TTC21A: variants seen among roughly 807,000 people sequenced by gnomAD.
The protein encoded by TTC21A is tetratricopeptide repeat domain 21A.
In TTC21A, 128 loss-of-function variants were observed where a neutral mutation model predicts 156.4. That is an observed-to-expected ratio of 0.82 (90% CI 0.71 to 0.95). The LOEUF is 0.95. Among genes scored for constraint, TTC21A ranks in the 40% least tolerant of loss-of-function variants. The probability of loss-of-function intolerance (pLI) is 0.00; values close to 1 mark genes in which losing one functional copy is unlikely to be tolerated. For synonymous variants in TTC21A, 587 were observed against 617.1 expected (o/e 0.95, Z 0.72); for missense variants, 1,435 against 1,602.3 (o/e 0.90, Z 1.78).
At chr3:39,128,609 C>T (rs1487637251) in intron 13 of TTC21A, 108 bp from the exon 14 acceptor site, 11 of 1,556,952 alleles carry the variant, frequency 7.1e-6, no homozygotes, top group Non-Finnish European at 9.6e-6. Flanking sequence ...CGTCCAAAGG[C>T]AGGGGTAGGC....
chr3:39,114,454 G>A, intron 5 of TTC21A, 131 bp from the exon 6 acceptor site: 1 of 845,200 alleles, frequency 1.2e-6, no homozygotes, highest in Admixed American at 2.0e-5. Flanking sequence ...TGGCCCAGCT[G>A]AGAGGACCCA....
Position 39,128,348 on chromosome 3 carries a change from C to G in TTC21A, c.1540C>G (p.Gln514Glu). ...ATTTCTAGGAGAGCTAGAGAATGCC[C>G]AGAGCATCCTGCAGCGTTGCCTGGA... ...RYYSGELENA[Q>E]SILQRCLELD... The change falls in exon 13 of 29, where the codon CAG becomes GAG. Residue 514 changes from glutamine (Q) to glutamate (E), a missense_variant. By Grantham distance (29) the Gln-to-Glu change is conservative. Transcript: ENST00000683103. The G allele has an allele frequency of 6.2e-7, 1 of 1,614,158 alleles. No homozygotes were observed.
chr3:39,133,324 G>A (rs2038877877), intron 20 of TTC21A, 84 bp downstream of exon 20: 2 of 1,360,736 alleles, frequency 1.5e-6, no homozygotes, highest in East Asian at 4.7e-5. Context: ...ACAGGGGCCA[G>A]TCCCTTCTCC....
At chr3:39,119,293 G>T in intron 7 of TTC21A, 1 of 152,474 alleles carries the variant, frequency 6.6e-6, no homozygotes, top group Non-Finnish European at 1.5e-5. Flanking sequence ...CTCCTGGGTG[G>T]GGAGTGGGAA....
intron 7 of TTC21A, 188 bp downstream of exon 7, chr3:39,118,341 T>G (rs2037466962): frequency 1.6e-6 from 1 of 619,162 alleles, no homozygotes. Flanking sequence ...TTGTGTAGCT[T>G]GGGAGTCAGG....
At chr3:39,127,117 G>A (rs2038335201) in intron 12 of TTC21A, among the ~76,000 whole-genome samples, 2 of 152,152 alleles carry the variant, frequency 1.3e-5, no homozygotes, top group South Asian at 4.1e-4. Flanking sequence ...CCAGACCCTG[G>A]AGAGAAAGGG....
chr3:39,117,726 G>A (rs934077854), intron 6 of TTC21A, among the ~76,000 whole-genome samples: 1 of 152,164 alleles, frequency 6.6e-6, no homozygotes, highest in African/African-American at 2.4e-5. Flanking sequence ...TTGTTGCTCT[G>A]CTATTCCTAG....
chr3:39,126,437 A>C, intron 12 of TTC21A, 47 bp downstream of exon 12: 1 of 1,598,656 alleles, frequency 6.3e-7, no homozygotes, highest in South Asian at 1.1e-5. Flanking sequence ...CAAACACCTG[A>C]TGTAGCTTTG....
rs2036677021 is a variant in TTC21A, at chr3:39,110,084, G to A, written c.213G>A (p.Val71=). 6.2e-7 allele frequency: 1 copy of A among 1,614,162 alleles called. No individual in the cohort carries two copies. The highest frequency in any genetic ancestry group is 1.3e-5 in the African/African-American group (1 of 75,052). ...AAAGCATCAGGCATCACCCAGACGTGTCCCTGTGCTCCACCATGGCCCTCA... is the reference window on the plus strand; with the variant it reads ...AAAGCATCAGGCATCACCCAGACGTATCCCTGTGCTCCACCATGGCCCTCA... ...DLESIRHHPD[V]SLCSTMALIY... Residue 71 remains valine (V), a synonymous_variant, in exon 3 of 29, where the codon GTG becomes GTA. Transcript: ENST00000683103.
At chr3:39,112,392 A>T (rs2036909726) in intron 4 of TTC21A, 66 bp from the exon 5 acceptor site, 1 of 1,567,586 alleles carries the variant, frequency 6.4e-7, no homozygotes, top group Admixed American at 1.7e-5. Flanking sequence ...AGTGTGGATC[A>T]TGTGCAGGCT....
rs1280492654 is a variant in TTC21A at position 39,118,079 on chromosome 3, A to G, written c.727A>G (p.Lys243Glu). 5 of 1,613,574 alleles carry G rather than the reference A, an allele frequency of 3.1e-6. No individual in the cohort carries two copies. The highest frequency in any genetic ancestry group is 3.4e-6 in the Non-Finnish European group (4 of 1,179,466). ...CTCTTCTTCCTTCAGAATCCTAGAA[A>G]AAGATGAGAGCAATATTGATGCCTG... ...TVEMGHRILE[K>E]DESNIDACQI... Residue 243 changes from lysine (K) to glutamate (E), a missense_variant, in exon 7 of 29, where the codon AAA becomes GAA. Transcript: ENST00000683103.
In TTC21A at chr3:39,121,093, G is replaced by A. The variant is rs747400934; in HGVS notation, c.997G>A (p.Gly333Ser). 13 of 1,614,008 alleles carry A rather than the reference G, an allele frequency of 8.1e-6. No homozygotes were observed. Among genetic ancestry groups the A allele is most frequent in the Non-Finnish European group, 1.1e-5 (13 of 1,180,026 alleles). The change falls in exon 9 of 29, where the codon GGC becomes AGC. Residue 333 changes from glycine (G) to serine (S), a missense_variant. Gly to Ser is a moderately conservative substitution (Grantham distance 56). Coordinates refer to ENST00000683103, the MANE Select transcript of TTC21A (RefSeq NM_001366900.1). ...PSYVHVATEL[G>S]YLFILKNQVK... ...GTATGTCCATGTGGCCACAGAACTG[G>A]GCTATCTCTTCATCCTGAAGAACCA...
At position 39,125,142 on chromosome 3, in the gene TTC21A, G is replaced by A. The variant is rs761901887; in HGVS notation, c.1173G>A (p.Lys391=). The A allele has an allele frequency of 1.2e-6, 2 of 1,613,798 alleles. No homozygotes were observed. Among genetic ancestry groups the A allele is most frequent in the Non-Finnish European group, 1.7e-6 (2 of 1,179,904 alleles). The part of the protein sequence containing the change: ...YRLEFLKEVQ[K]SLGKSEVLIF... ...TGGAATTCCTGAAGGAGGTGCAGAA[G>A]TCCCTTGGGAAGTCTGAGGTCAGAG... The change falls in exon 10 of 29, where the codon AAG becomes AAA. Residue 391 remains lysine, a synonymous_variant. Coordinates refer to ENST00000683103, the MANE Select transcript of TTC21A (RefSeq NM_001366900.1).
rs1263145877 is a variant in TTC21A at position 39,121,103 on chromosome 3, T to C, written c.1007T>C (p.Phe336Ser). 1.4e-5 allele frequency: 23 copies of C among 1,614,058 alleles called. No individual in the cohort carries two copies. The highest frequency in any genetic ancestry group is 5.0e-5 in the Admixed American group (3 of 60,004). ...VHVATELGYLFILKNQVKEAL... is the reference protein window; with the variant it reads ...VHVATELGYLSILKNQVKEAL... ...GTGGCCACAGAACTGGGCTATCTCT[T>C]CATCCTGAAGAACCAAGTGAAAGAG... is the stretch of plus-strand genomic sequence containing the variant. The change falls in exon 9 of 29, where the codon TTC (phenylalanine) becomes TCC (serine). Residue 336 changes from phenylalanine to serine, a missense_variant. Transcript: ENST00000683103.
At chr3:39,126,625 CTACA>C (rs1257157928) in intron 12 of TTC21A, among the ~76,000 whole-genome samples, 16 of 18,604 alleles carry the variant, frequency 8.6e-4, no homozygotes, top group Non-Finnish European at 1.2e-3. Context: ...GCCTGGTGTA[CTACA>C]CACACACACA....
chr3:39,122,451 A>T (rs1442609976), intron 9 of TTC21A, among the ~76,000 whole-genome samples: 1 of 152,242 alleles, frequency 6.6e-6, no homozygotes, highest in Non-Finnish European at 1.5e-5. Context: ...CCCATAAGCA[A>T]ACATAGGCAG....
intron 1 of TTC21A, chr3:39,108,071 C>T: frequency 1.7e-6 from 1 of 602,610 alleles, no homozygotes; most frequent in Non-Finnish European, 2.9e-6. Context: ...ATCCCCGTTT[C>T]TTGAGCTACC....
At position 39,130,885 on chromosome 3, in the gene TTC21A, C is replaced by T; in HGVS notation, c.2458+46C>T. 1.2e-6 allele frequency: 2 copies of T among 1,611,694 alleles called. No homozygotes were observed. The highest frequency in any genetic ancestry group is 1.7e-6 in the Non-Finnish European group (2 of 1,178,190). Reference sequence around the variant, plus strand: ...ATTTCTAGCATTTGGAGCAGACATACTCCTCCCCCATTCCCCATTAGCTGA... The same window carrying T: ...ATTTCTAGCATTTGGAGCAGACATATTCCTCCCCCATTCCCCATTAGCTGA... On this transcript the variant is annotated intron_variant, in intron 18 of 28. Transcript: ENST00000683103. This position sits in a 1 kb window ranked among gnomAD's most constrained non-coding sequence, Gnocchi z 4.5.
rs563644994 is a variant in TTC21A, at chr3:39,121,009, C to T, written c.913C>T (p.Gln305Ter). 6.2e-7 allele frequency: 1 copy of T among 1,607,414 alleles called. No homozygotes were observed. Among genetic ancestry groups the T allele is most frequent in the African/African-American group, 1.3e-5 (1 of 74,896 alleles). Reference sequence around the variant, plus strand: ...CTGTTTCTTGCAGTGTGGGAGTCACCAGGTGATTCTAGGGCTAGTGTGTAG... The same window carrying T: ...CTGTTTCTTGCAGTGTGGGAGTCACTAGGTGATTCTAGGGCTAGTGTGTAG... ...IVVSRLCGSH[Q>*]VILGLVCSFI... Residue 305 changes from glutamine to a stop codon, truncating the protein, a stop_gained, in exon 9 of 29, where the codon CAG becomes TAG. Coordinates refer to ENST00000683103, the MANE Select transcript of TTC21A (RefSeq NM_001366900.1). LOFTEE classifies it high-confidence loss of function.
Sources: allele counts gnomAD v4.1 joint callset (sites outside exome capture counted in the v4.1 genomes callset), GRCh38; gene constraint gnomAD v4.1.1; non-coding constraint Gnocchi (gnomAD v3.1); transcripts MANE v1.5; gene names NCBI Gene and HGNC (gene_info 2026-07-23, HGNC 2026-07-21).